Variants in GABRB3 observed in about 807,000 individuals in gnomAD.
GABRB3 encodes gamma-aminobutyric acid receptor subunit beta-3.
In GABRB3, 14 loss-of-function variants were observed where a neutral mutation model predicts 52.1. The ratio of observed to expected loss-of-function variants is 0.27; its 90% CI spans 0.18 to 0.42. The LOEUF is 0.42. Among genes scored for constraint, GABRB3 ranks in the 10% least tolerant of loss-of-function variants. The probability of loss-of-function intolerance (pLI) is 1.00; values close to 1 mark genes in which losing one functional copy is unlikely to be tolerated. For synonymous variants in GABRB3, 260 were observed against 232.3 expected, an observed-to-expected ratio of 1.12 and a Z score of -1.08; for missense variants, 307 against 609.1, an observed-to-expected ratio of 0.50 and a Z score of 5.22.
chr15:26,625,588 T>TATTGGCTTTGGGG, intron 3 of GABRB3: 2 of 603,358 alleles, frequency 3.3e-6, no homozygotes, highest in Non-Finnish European at 4.2e-6. Context: ...ATTAAAGGAA[T>TATTGGCTTTGGGG]AGCAGAGGGG....
chr15:26,703,151 A>G (rs1366312460), intron 3 of GABRB3, among the ~76,000 whole-genome samples: 1 of 152,218 alleles, frequency 6.6e-6, no homozygotes, highest in Non-Finnish European at 1.5e-5. Context: ...TCCATTTTGT[A>G]CTGCCATAAC....
chr15:26,762,697 A>G (rs908564335), intron 3 of GABRB3, among the ~76,000 whole-genome samples: 5 of 152,246 alleles, frequency 3.3e-5, no homozygotes, highest in Admixed American at 2.0e-4. Flanking sequence ...CACTTAGATT[A>G]CAGGACACAC....
At chr15:26,649,486 C>G (rs1013291279) in intron 3 of GABRB3, among the ~76,000 whole-genome samples, 1 of 152,142 alleles carries the variant, frequency 6.6e-6, no homozygotes, top group Non-Finnish European at 1.5e-5. Flanking sequence ...TAATAAATTA[C>G]CTGGTCTGTG....
At chr15:26,572,340 C>T (rs527916712) in intron 6 of GABRB3, among the ~76,000 whole-genome samples, 2 of 152,302 alleles carry the variant, frequency 1.3e-5, no homozygotes, top group African/African-American at 2.4e-5. Context: ...ACATTGTATG[C>T]ACCTCTGGTG....
rs1367520488 is a variant in GABRB3, at chr15:26,554,156, AT to A, written c.1081-6023del. 3.5e-3 allele frequency among the ~76,000 whole-genome samples: 147 copies of A among 41,452 alleles called. 4 individuals are homozygous for A. Among genetic ancestry groups the A allele is most frequent in the African/African-American group, 0.018 (143 of 8,010 alleles). 27.2% of individuals were successfully genotyped at this position (41,452 alleles called of 152,430 possible). ...ATATATATATAAAGTATATATATAT[AT>A]AAAGTATATATATATAAAGTATATA... On this transcript the variant is annotated intron_variant, in intron 8 of 8. Coordinates refer to ENST00000311550, the MANE Select transcript of GABRB3 (RefSeq NM_000814.6).
chr15:26,691,681 G>T (rs76335713), intron 3 of GABRB3, among the ~76,000 whole-genome samples: 3,655 of 152,236 alleles, frequency 0.024, 144 homozygotes, highest in African/African-American at 0.084. Flanking sequence ...TTCCTTCCCT[G>T]GGGGTTCTTC....
rs1890919529 is a variant in GABRB3, at chr15:26,764,174, AAAAAAATATATATATATATATATATATAT to A, written c.240+8199_240+8227del. On this transcript the variant is annotated intron_variant, in intron 3 of 8. Coordinates refer to ENST00000311550, the MANE Select transcript of GABRB3 (RefSeq NM_000814.6). ...CAAAAAAAAAAAAAAAAAAAAAAAA[AAAAAAATATATATATATATATATATATAT>A]ATATATATATATATATATATATATA... 1.2e-3 allele frequency among the ~76,000 whole-genome samples: 16 copies of A among 13,058 alleles called. 4 individuals are homozygous for A. Among genetic ancestry groups the A allele is most frequent in the Non-Finnish European group, 1.8e-3 (12 of 6,726 alleles). The allele number at this position is 13,058 out of a possible 152,430, so 8.6% of individuals were successfully genotyped here. A position where few individuals can be genotyped will look rare whatever the true frequency, so the allele number is the denominator to read the frequency against.
At chr15:26,691,670 G>C (rs575744248) in intron 3 of GABRB3, among the ~76,000 whole-genome samples, 3 of 152,312 alleles carry the variant, frequency 2.0e-5, no homozygotes, top group African/African-American at 7.2e-5. Flanking sequence ...TTACTTATCT[G>C]TTCCTTCCCT....
intron 4 of GABRB3, among the ~76,000 whole-genome samples, chr15:26,598,932 G>C (rs1891488850): frequency 6.6e-6 from 1 of 152,152 alleles, no homozygotes; most frequent in African/African-American, 2.4e-5. Flanking sequence ...GTTTAACCTA[G>C]CTCGAGTTTC....
At chr15:26,562,771 A>C (rs529737776) in intron 7 of GABRB3, among the ~76,000 whole-genome samples, 1 of 152,296 alleles carries the variant, frequency 6.6e-6, no homozygotes, top group Admixed American at 6.5e-5. Flanking sequence ...CATCTCCAAC[A>C]CAAGCGCTCC....
At position 26,681,103 on chromosome 15, in the gene GABRB3, T is replaced by C. The variant is rs767204191; in HGVS notation, c.241-59569A>G. On this transcript the variant is annotated intron_variant, in intron 3 of 8. Coordinates refer to ENST00000311550, the MANE Select transcript of GABRB3 (RefSeq NM_000814.6). Reference sequence around the variant, plus strand: ...TCGTATTGCTCATTATGTATTTTTGTAAGCTGCCTTCAATCTTTTGGATGT... The same window carrying C: ...TCGTATTGCTCATTATGTATTTTTGCAAGCTGCCTTCAATCTTTTGGATGT... 2.0e-5 allele frequency among the ~76,000 whole-genome samples: 3 copies of C among 152,296 alleles called. No homozygotes were observed. The South Asian group carries it at 6.2e-4, about 32-fold the overall frequency.
chr15:26,675,887 C>T (rs1888053528), intron 3 of GABRB3, among the ~76,000 whole-genome samples: 1 of 152,132 alleles, frequency 6.6e-6, no homozygotes, highest in African/African-American at 2.4e-5. Context: ...GTTGGGGGTT[C>T]TGGTCGAAAT....
intron 3 of GABRB3, chr15:26,642,389 C>G: frequency 1.0e-6 from 1 of 969,506 alleles, no homozygotes; most frequent in East Asian, 6.2e-5. Flanking sequence ...AACCAATCCC[C>G]TGAATATACT....
intron 3 of GABRB3, chr15:26,642,374 C>T (rs1042071755): frequency 1.1e-5 from 9 of 788,160 alleles, no homozygotes; most frequent in Middle Eastern, 9.3e-4. Flanking sequence ...TGGGGGTGGT[C>T]CTGGAACCAA....
At chr15:26,753,413 C>A (rs1347001712) in intron 3 of GABRB3, among the ~76,000 whole-genome samples, 1 of 152,146 alleles carries the variant, frequency 6.6e-6, no homozygotes, top group Non-Finnish European at 1.5e-5. Context: ...AAAAAAGGAG[C>A]GGTCTTCACT....
intron 4 of GABRB3, among the ~76,000 whole-genome samples, chr15:26,606,858 C>T (rs976477682): frequency 1.2e-5 from 1 of 86,538 alleles, no homozygotes; most frequent in African/African-American, 4.5e-5. Flanking sequence ...TTAAAGCAAA[C>T]TAAATATGGC....
chr15:26,653,041 C>A (rs368035695), intron 3 of GABRB3, among the ~76,000 whole-genome samples: 2 of 152,194 alleles, frequency 1.3e-5, no homozygotes, highest in African/African-American at 4.8e-5. Flanking sequence ...CTCACCGACT[C>A]CATCTTGCTT....
At chr15:26,675,905 C>T (rs1380225118) in intron 3 of GABRB3, among the ~76,000 whole-genome samples, 1 of 152,134 alleles carries the variant, frequency 6.6e-6, no homozygotes, top group Non-Finnish European at 1.5e-5. Flanking sequence ...AATGATTTCG[C>T]AGGGTTCTTG....
intron 4 of GABRB3, among the ~76,000 whole-genome samples, chr15:26,610,529 CTTTTA>C (rs1001431287): frequency 6.6e-6 from 1 of 152,088 alleles, no homozygotes; most frequent in African/African-American, 2.4e-5. Context: ...AGCTGATATT[CTTTTA>C]TAATACTGTT....
Sources: allele counts gnomAD v4.1 joint callset (sites outside exome capture counted in the v4.1 genomes callset), GRCh38; gene constraint gnomAD v4.1.1; transcripts MANE v1.5; gene names NCBI Gene and HGNC (gene_info 2026-07-23, HGNC 2026-07-21).